The following ZNF292 variants were observed in gnomAD, a reference collection of about 807,000 sequenced individuals.
The protein encoded by ZNF292 is 16 zinc-finger domain protein.
In ZNF292, 26 loss-of-function variants were observed where a neutral mutation model predicts 217.9. The observed-to-expected ratio is 0.12, with a 90% CI of 0.09 to 0.17. The LOEUF is 0.17. ZNF292 is among the 10% of genes least tolerant of loss of function. The pLI is 1.00. For synonymous variants in ZNF292, 1,257 were observed against 1,124.1 expected (o/e 1.12, Z -2.37); for missense variants, 2,904 against 3,175.2 (o/e 0.91, Z 2.05).
intron 3 of ZNF292, among the ~76,000 whole-genome samples, chr6:87,217,147 T>G (rs1772827796): frequency 6.6e-6 from 1 of 152,054 alleles, no homozygotes; most frequent in Non-Finnish European, 1.5e-5. Context: ...AAAATATCTT[T>G]AGGCCTTAAG....
rs559342646 is a variant in ZNF292, at chr6:87,209,111, C to A, written c.169-6792C>A. On this transcript the variant is annotated intron_variant, in intron 1 of 7. Coordinates refer to ENST00000369577, the MANE Select transcript of ZNF292 (RefSeq NM_015021.3). ...ATTTTTAGCCCCACTTTCACCCCCC[C>A]CTCCCCATTTTCAGAGGCATCTAGT... Among the ~76,000 whole-genome samples the A allele has an allele frequency of 1.2e-4, 18 of 150,134 alleles. No individual in the cohort carries two copies. In the South Asian group the frequency reaches 3.6e-3, roughly 30 times the overall value.
chr6:87,174,826 A>T (rs1306118436), intron 1 of ZNF292, among the ~76,000 whole-genome samples: 3 of 152,234 alleles, frequency 2.0e-5, no homozygotes, highest in Non-Finnish European at 2.9e-5. Flanking sequence ...TATCAGAGGA[A>T]CAATATTATC....
rs778662526 is a variant in ZNF292, at chr6:87,256,541, A to G, written c.2912A>G (p.His971Arg). ...GGTGAAGCACTGGTCACAGACTTAC[A>G]TACGCCAGTTGAAGATACTTGTAAT... is the stretch of plus-strand genomic sequence containing the variant. ...GSGEALVTDL[H>R]TPVEDTCNDL... The change falls in exon 8 of 8, where the codon CAT (histidine) becomes CGT (arginine). Residue 971 changes from histidine to arginine, a missense_variant. Physicochemically the swap from His to Arg is conservative, Grantham distance 29. Coordinates refer to ENST00000369577, the MANE Select transcript of ZNF292 (RefSeq NM_015021.3). 6.2e-7 allele frequency: 1 copy of G among 1,613,440 alleles called. No individual in the cohort carries two copies. Among genetic ancestry groups the G allele is most frequent in the East Asian group, 2.2e-5 (1 of 44,878 alleles).
rs72098361 is a variant in ZNF292, at chr6:87,265,089, T to TTC, written c.*3306_*3307dup. On this transcript the variant is annotated 3_prime_UTR_variant, in exon 8 of 8. Transcript: ENST00000369577. ...AAGTTTTCTAAATTGTGTGCTGTAG[T>TTC]TCTCTCTCTCTCTCTCTCTTTTTTT... is the stretch of plus-strand genomic sequence containing the variant. Among the ~76,000 whole-genome samples, 215 of 151,422 alleles carry TTC rather than the reference T, an allele frequency of 1.4e-3. No individual in the cohort carries two copies. Among genetic ancestry groups the TTC allele is most frequent in the African/African-American group, 3.9e-3 (162 of 41,250 alleles).
intron 1 of ZNF292, among the ~76,000 whole-genome samples, chr6:87,212,485 G>A (rs1185859632): frequency 6.6e-6 from 1 of 152,140 alleles, no homozygotes; most frequent in Non-Finnish European, 1.5e-5. Context: ...CTATCTAGAA[G>A]CTCCTCAGCC....
chr6:87,242,112 G>T, intron 5 of ZNF292, among the ~76,000 whole-genome samples: 1 of 152,238 alleles, frequency 6.6e-6, no homozygotes, highest in South Asian at 2.1e-4. Context: ...TTAACATATT[G>T]TAGATATTTT....
chr6:87,182,093 T>A (rs1428884259), intron 1 of ZNF292, among the ~76,000 whole-genome samples: 1 of 152,200 alleles, frequency 6.6e-6, no homozygotes, highest in Non-Finnish European at 1.5e-5. Flanking sequence ...CCCACTCATA[T>A]ACAGGGCATA....
intron 1 of ZNF292, among the ~76,000 whole-genome samples, chr6:87,197,400 T>C (rs2127786940): frequency 6.7e-6 from 1 of 149,436 alleles, no homozygotes; most frequent in African/African-American, 2.5e-5. Context: ...AATTTGAGAA[T>C]ATCAGATTTT....
intron 1 of ZNF292, among the ~76,000 whole-genome samples, chr6:87,160,513 G>GTATA (rs5878018): frequency 0.36 from 52,650 of 148,164 alleles, 9,841 homozygotes; most frequent in Admixed American, 0.5. Context: ...GTGTGTGTGT[G>GTATA]TATATATATG....
chr6:87,187,729 A>G (rs538919085), intron 1 of ZNF292, among the ~76,000 whole-genome samples: 1 of 151,714 alleles, frequency 6.6e-6, no homozygotes, highest in South Asian at 2.1e-4. Context: ...AAAAAAAAAA[A>G]AAAAAGTTTG....
intron 1 of ZNF292, among the ~76,000 whole-genome samples, chr6:87,210,320 T>C (rs1772429987): frequency 1.3e-5 from 2 of 152,186 alleles, no homozygotes; most frequent in African/African-American, 4.8e-5. Flanking sequence ...GGTATCAAAA[T>C]ATCATTGAGG....
chr6:87,171,782 T>A (rs1021591968), intron 1 of ZNF292, among the ~76,000 whole-genome samples: 1 of 152,198 alleles, frequency 6.6e-6, no homozygotes, highest in Non-Finnish European at 1.5e-5. Flanking sequence ...TCAATTGTAA[T>A]GAAATATACT....
chr6:87,258,778 G>A lies in ZNF292; in HGVS notation c.5149G>A (p.Ala1717Thr), dbSNP rs994857907. 20 of 1,613,340 alleles carry A rather than the reference G, an allele frequency of 1.2e-5. No homozygotes were observed. The highest frequency in any genetic ancestry group is 1.6e-5 in the Non-Finnish European group (19 of 1,179,708). Residue 1717 changes from alanine to threonine, a missense_variant, in exon 8 of 8, where the codon GCC (alanine) becomes ACC (threonine). This residue lies in a region of ZNF292 where 622 missense variants were observed against 573.1 expected (regional missense o/e 1.09). Coordinates refer to ENST00000369577, the MANE Select transcript of ZNF292 (RefSeq NM_015021.3). ...CAGTCTTGAGTCCCATACAGTGTTA[G>A]CCCCTTTAACATTAAAAACTGAAAA... ...KTSLESHTVLAPLTLKTENGD... is the reference protein window; with the variant it reads ...KTSLESHTVLTPLTLKTENGD...
At chr6:87,211,244 T>A (rs1017818123) in intron 1 of ZNF292, among the ~76,000 whole-genome samples, 1 of 152,228 alleles carries the variant, frequency 6.6e-6, no homozygotes, top group Non-Finnish European at 1.5e-5. Flanking sequence ...TTGGTAGTTC[T>A]GTCTTATAGG....
chr6:87,226,685 AT>A (rs550372225), intron 4 of ZNF292, among the ~76,000 whole-genome samples: 37 of 35,890 alleles, frequency 1.0e-3, no homozygotes, highest in African/African-American at 2.4e-3. Flanking sequence ...AGATATATAG[AT>A]TTTTTTTTTT....
Position 87,256,449 on chromosome 6 carries a change from G to T in ZNF292, c.2820G>T (p.Lys940Asn). The T allele has an allele frequency of 6.2e-7, 1 of 1,607,752 alleles. No homozygotes were observed. Residue 940 changes from lysine (K) to asparagine (N), a missense_variant, in exon 8 of 8, where the codon AAG becomes AAT. By Grantham distance (94) the Lys-to-Asn change is moderately conservative. Around this residue, in one of 15 missense-constraint regions of ZNF292, gnomAD observed 687 missense variants for 623.0 expected, o/e 1.10. Transcript: ENST00000369577. ...LQSSEVAVSI[K>N]VSLNQGIEDN... is the part of the protein sequence containing the mutation. ...CCAGTGAAGTAGCTGTGTCCATTAA[G>T]GTGTCTCTCAATCAGGGGATTGAGG... is the stretch of plus-strand genomic sequence containing the variant.
At chr6:87,244,625 T>C (rs910167314) in intron 6 of ZNF292, among the ~76,000 whole-genome samples, 3 of 152,276 alleles carry the variant, frequency 2.0e-5, no homozygotes, top group Non-Finnish European at 2.9e-5. Flanking sequence ...AAAGAAGTAG[T>C]AGTACAGAGT....
chr6:87,208,378 C>T (rs1031180325), intron 1 of ZNF292, among the ~76,000 whole-genome samples: 1 of 151,958 alleles, frequency 6.6e-6, no homozygotes, highest in Non-Finnish European at 1.5e-5. Flanking sequence ...CCTGGAACTC[C>T]TGTTATTTAT....
intron 1 of ZNF292, among the ~76,000 whole-genome samples, chr6:87,205,899 G>A (rs7752485): frequency 0.63 from 95,335 of 151,966 alleles, 31,373 homozygotes; most frequent in African/African-American, 0.83. Context: ...AGTTATTTTC[G>A]CCAAATTTTG....
Sources: gnomAD v4.1 joint callset for allele counts (sites outside exome capture counted in the v4.1 genomes callset) on GRCh38, gnomAD v4.1.1 for gene constraint, gnomAD v4.1.1 regional missense constraint, MANE v1.5 for transcripts, NCBI Gene and HGNC (gene_info 2026-07-23, HGNC 2026-07-21) for gene names.